The following TRIP12 variants were observed in gnomAD, a reference collection of about 807,000 sequenced individuals.
TRIP12 encodes thyroid hormone receptor interactor 12.
In TRIP12, 25 loss-of-function variants were observed where a neutral mutation model predicts 244.2. The ratio of observed to expected loss-of-function variants is 0.10; its 90% confidence interval spans 0.07 to 0.14. The LOEUF is 0.14. Ranked by LOEUF, TRIP12 falls within the 10% of genes least tolerant of loss-of-function variation. The pLI is 1.00. For synonymous variants in TRIP12, 905 were observed against 873.1 expected (o/e 1.04, Z -0.64); for missense variants, 1,677 against 2,486.4 (o/e 0.67, Z 6.92).
chr2:229,801,062 C>T (rs144320781), intron 21 of TRIP12, among the ~76,000 whole-genome samples: 1,647 of 152,238 alleles, frequency 0.011, 16 homozygotes, highest in Middle Eastern at 0.017. Flanking sequence ...CCTGCAATAA[C>T]TTATGTTACT....
intron 21 of TRIP12, 92 bp from the exon 22 acceptor site, chr2:229,799,475 G>A (rs2043667615): frequency 3.3e-6 from 4 of 1,196,112 alleles, no homozygotes; most frequent in Non-Finnish European, 4.9e-6. Flanking sequence ...GCAGAAACAG[G>A]GAGTAATAAA....
chr2:229,891,309 C>T lies in TRIP12; in HGVS notation c.-49-11181G>A, dbSNP rs114138167. On this transcript the variant is annotated intron_variant, in intron 1 of 41. Coordinates refer to ENST00000675903, the MANE Select transcript of TRIP12 (RefSeq NM_001348323.3). Reference sequence around the variant, plus strand: ...TGGTGGTGGTGCACATCTGTGGCCCCAGCTACTCAGCAAGCTGAGGTGGGA... The same window carrying T: ...TGGTGGTGGTGCACATCTGTGGCCCTAGCTACTCAGCAAGCTGAGGTGGGA... Among the ~76,000 whole-genome samples, 866 of 152,164 alleles carry T rather than the reference C, an allele frequency of 5.7e-3. 7 individuals are homozygous for T. Among genetic ancestry groups the T allele is most frequent in the African/African-American group, 0.019 (791 of 41,528 alleles).
intron 4 of TRIP12, among the ~76,000 whole-genome samples, chr2:229,846,461 T>A (rs2057600756): frequency 6.6e-6 from 1 of 152,184 alleles, no homozygotes; most frequent in Admixed American, 6.5e-5. Flanking sequence ...CCATGTACAT[T>A]GTTTTTTTAG....
chr2:229,807,967 G>T, intron 16 of TRIP12, 103 bp from the exon 17 acceptor site: 1 of 1,304,894 alleles, frequency 7.7e-7, no homozygotes, highest in Non-Finnish European at 1.0e-6. Flanking sequence ...GTTGTATTTA[G>T]ACCAATTTTT....
intron 6 of TRIP12, among the ~76,000 whole-genome samples, chr2:229,835,322 T>C (rs2054523425): frequency 1.3e-5 from 2 of 152,238 alleles, no homozygotes; most frequent in Non-Finnish European, 2.9e-5. Flanking sequence ...TGGAACTGTT[T>C]AGAAAGGCAG....
chr2:229,851,344 T>C (rs1433213036), intron 4 of TRIP12, among the ~76,000 whole-genome samples: 2 of 152,138 alleles, frequency 1.3e-5, no homozygotes, highest in African/African-American at 4.8e-5. Flanking sequence ...TGGTGGAGCC[T>C]TGGAGAACCT....
At chr2:229,863,331 A>T (rs769887120) in intron 2 of TRIP12, among the ~76,000 whole-genome samples, 9 of 152,162 alleles carry the variant, frequency 5.9e-5, no homozygotes, top group Non-Finnish European at 8.8e-5. Context: ...CTGTTTAAAA[A>T]ATATATTTTA....
chr2:229,861,240 A>G (rs1159872666), intron 2 of TRIP12, among the ~76,000 whole-genome samples: 3 of 152,214 alleles, frequency 2.0e-5, no homozygotes, highest in Non-Finnish European at 2.9e-5. Flanking sequence ...CATATTTACA[A>G]TAAATCAAAT....
chr2:229,867,738 C>T (rs1453190714), intron 2 of TRIP12, among the ~76,000 whole-genome samples: 1 of 152,150 alleles, frequency 6.6e-6, no homozygotes, highest in East Asian at 1.9e-4. Flanking sequence ...AGCAAATCCT[C>T]AGTGAGGGAT....
rs754104369 is a variant in TRIP12 at position 229,840,813 on chromosome 2, A to G, written c.1133+9T>C. 1.3e-6 allele frequency: 2 copies of G among 1,541,610 alleles called. No individual in the cohort carries two copies. Among genetic ancestry groups the G allele is most frequent in the Non-Finnish European group, 8.7e-7 (1 of 1,146,696 alleles). ...ATGAACTCACTATAAAAAAAAAAAA[A>G]CAAATTACCTGGTACTAGCACAGGA... On this transcript the variant is annotated intron_variant, in intron 5 of 41. Coordinates refer to ENST00000675903, the MANE Select transcript of TRIP12 (RefSeq NM_001348323.3).
chr2:229,920,938 A>G (rs2076411897), intron 1 of TRIP12, among the ~76,000 whole-genome samples: 1 of 152,204 alleles, frequency 6.6e-6, no homozygotes, highest in African/African-American at 2.4e-5. Context: ...TGTAAATAAT[A>G]GGTTTTATGT....
At chr2:229,774,288 G>A (rs146070117) in intron 37 of TRIP12, 27 bp from the exon 38 acceptor site, 4 of 1,578,188 alleles carry the variant, frequency 2.5e-6, no homozygotes, top group Non-Finnish European at 2.6e-6. Flanking sequence ...GGGGAGAAAT[G>A]GTGTCAAGCA....
At chr2:229,837,999 G>A (rs992512864) in intron 5 of TRIP12, among the ~76,000 whole-genome samples, 3 of 152,048 alleles carry the variant, frequency 2.0e-5, no homozygotes, top group Non-Finnish European at 4.4e-5. Context: ...AAACTTGATA[G>A]CATTTAAACA....
rs1429771259 is a variant in TRIP12, at chr2:229,786,654, T to C, written c.4996-799A>G. Among the ~76,000 whole-genome samples the C allele has an allele frequency of 6.1e-5, 9 of 147,594 alleles. No individual in the cohort carries two copies. The East Asian group carries it at 1.4e-3, about 23-fold the overall frequency. ...GGATGGTCTCGATCTCCTGACCTCA[T>C]GATCCGCCCGCCTCGGCCTCCCAAA... On this transcript the variant is annotated intron_variant, in intron 33 of 41. Transcript: ENST00000675903.
chr2:229,833,669 C>T (rs1261480524), intron 6 of TRIP12, among the ~76,000 whole-genome samples: 2 of 152,106 alleles, frequency 1.3e-5, no homozygotes, highest in African/African-American at 4.8e-5. Context: ...TGCCATACCT[C>T]TGATAGCAAG....
At chr2:229,887,335 T>C (rs2066244618) in intron 1 of TRIP12, among the ~76,000 whole-genome samples, 1 of 152,214 alleles carries the variant, frequency 6.6e-6, no homozygotes, top group African/African-American at 2.4e-5. Flanking sequence ...CTGATGTTCC[T>C]TGAAATGCTA....
intron 26 of TRIP12, 85 bp downstream of exon 26, chr2:229,795,094 T>C (rs1296792572): frequency 1.9e-5 from 29 of 1,497,972 alleles, no homozygotes; most frequent in Non-Finnish European, 2.6e-5. Context: ...CAATCAAGAC[T>C]TTACCAGACC....
chr2:229,903,018 C>CTTTTTTTTTT lies in TRIP12; in HGVS notation c.-50+18852_-50+18861dup, dbSNP rs57794819. ...GGTTTTTTTTTCTTTTTCTTTTTTT[C>CTTTTTTTTTT]TTTTTTTTTTTTTTTTTTGCCAGAA... is the stretch of plus-strand genomic sequence containing the variant. On this transcript the variant is annotated intron_variant, in intron 1 of 41. Coordinates refer to ENST00000675903, the MANE Select transcript of TRIP12 (RefSeq NM_001348323.3). Among the ~76,000 whole-genome samples, 5 of 104,898 alleles carry CTTTTTTTTTT rather than the reference C, an allele frequency of 4.8e-5. 2 individuals are homozygous for CTTTTTTTTTT. Among genetic ancestry groups the CTTTTTTTTTT allele is most frequent in the Non-Finnish European group, 2.1e-5 (1 of 48,682 alleles). The allele number at this position is 104,898 out of a possible 152,430, so 68.8% of individuals were successfully genotyped here. A position where few individuals can be genotyped will look rare whatever the true frequency, so the allele number is the denominator to read the frequency against.
intron 15 of TRIP12, 83 bp from the exon 16 acceptor site, chr2:229,808,452 GA>G (rs2046424541): frequency 1.2e-5 from 10 of 835,650 alleles, no homozygotes; most frequent in Non-Finnish European, 1.7e-5. Context: ...CCCAAGGGGG[GA>G]AAATAATCAG....
Sources: gnomAD v4.1 joint callset for allele counts (sites outside exome capture counted in the v4.1 genomes callset) on GRCh38, gnomAD v4.1.1 for gene constraint, MANE v1.5 for transcripts, NCBI Gene and HGNC (gene_info 2026-07-23, HGNC 2026-07-21) for gene names.